The following ARID3A variants were observed in gnomAD, a reference collection of about 807,000 sequenced individuals.
ARID3A encodes AT-rich interaction domain 3A, also known as AT-rich interactive domain-containing protein 3A.
In ARID3A, 11 loss-of-function variants were observed where a neutral mutation model predicts 52.7. That is an observed-to-expected ratio of 0.21 (90% confidence interval 0.13 to 0.35). ARID3A has a LOEUF of 0.35. ARID3A is among the 10% of genes least tolerant of loss of function. The probability of loss-of-function intolerance (pLI) is 1.00; values close to 1 mark genes in which losing one functional copy is unlikely to be tolerated. For synonymous variants in ARID3A, 404 were observed against 359.4 expected (o/e 1.12, Z -1.40); for missense variants, 721 against 838.5 (o/e 0.86, Z 1.73).
At chr19:949,010 C>A (rs964854158) in intron 3 of ARID3A, among the ~76,000 whole-genome samples, 1 of 152,124 alleles carries the variant, frequency 6.6e-6, no homozygotes, top group East Asian at 1.9e-4. Context: ...AGCCACCGCG[C>A]GTGGCCATCC....
At chr19:939,725 TC>T (rs973688859) in intron 3 of ARID3A, among the ~76,000 whole-genome samples, 31 of 152,046 alleles carry the variant, frequency 2.0e-4, no homozygotes, top group Non-Finnish European at 4.4e-4. Context: ...GTATGGACGT[TC>T]CCCTCGTGGC....
intron 3 of ARID3A, among the ~76,000 whole-genome samples, chr19:946,796 T>TTGTGTG (rs544067938): frequency 2.0e-5 from 3 of 150,028 alleles, no homozygotes; most frequent in Non-Finnish European, 4.4e-5. Context: ...GTTTGTTTGT[T>TTGTGTG]TGTGTGTGTG....
Position 964,051 on chromosome 19 carries a change from T to A in ARID3A, c.767-197T>A, listed in dbSNP as rs1029689. 6.6e-6 allele frequency among the ~76,000 whole-genome samples: 1 copy of A among 152,098 alleles called. No individual in the cohort carries two copies. The highest frequency in any genetic ancestry group is 2.4e-5 in the African/African-American group (1 of 41,408). On this transcript the variant is annotated intron_variant, in intron 4 of 8. Transcript: ENST00000263620. The surrounding 1 kb of genome is among the most constrained non-coding windows in gnomAD (Gnocchi z 5.7). Reference sequence around the variant, plus strand: ...TAAACCGAGGCAGAGCTGCCCCCTCTGCACCCTCTCGAGCAGAGGTTCCCA... The same window carrying A: ...TAAACCGAGGCAGAGCTGCCCCCTCAGCACCCTCTCGAGCAGAGGTTCCCA...
rs56674637 is a variant in ARID3A at position 938,056 on chromosome 19, G to T, written c.693+5314G>T. On this transcript the variant is annotated intron_variant, in intron 3 of 8. Transcript: ENST00000263620. This position sits in a 1 kb window ranked among gnomAD's most constrained non-coding sequence, Gnocchi z 4.0. ...ACGGGGTTTCACCGTGTTGGGCAGG[G>T]TGGTCTTGAACTCCCAACCTCAGGT... Among the ~76,000 whole-genome samples, 4,369 of 151,850 alleles carry T rather than the reference G, an allele frequency of 0.029. 108 individuals are homozygous for T. Among genetic ancestry groups the T allele is most frequent in the African/African-American group, 0.069 (2,869 of 41,356 alleles).
chr19:926,637 G>C (rs2037205883), intron 1 of ARID3A, among the ~76,000 whole-genome samples: 1 of 151,762 alleles, frequency 6.6e-6, no homozygotes, highest in African/African-American at 2.4e-5. Context: ...GTCCGCCCCA[G>C]CGCAGAGAGG....
intron 3 of ARID3A, among the ~76,000 whole-genome samples, chr19:948,915 G>T (rs1000260480): frequency 2.0e-5 from 3 of 151,938 alleles, no homozygotes; most frequent in African/African-American, 7.3e-5. Flanking sequence ...TGCCATGTTG[G>T]CCGGGCTGGT....
chr19:934,732 G>A (rs1426527788), intron 3 of ARID3A, among the ~76,000 whole-genome samples: 3 of 152,132 alleles, frequency 2.0e-5, no homozygotes, highest in African/African-American at 7.2e-5. Context: ...AGGGATGGTC[G>A]TGGGCAGCGG....
At position 930,039 on chromosome 19, in the gene ARID3A, G is replaced by A. The variant is rs570530289; in HGVS notation, c.368+143G>A. On this transcript the variant is annotated intron_variant, in intron 2 of 8. Coordinates refer to ENST00000263620, the MANE Select transcript of ARID3A (RefSeq NM_005224.3). Reference sequence around the variant, plus strand: ...AGCAGTTTGAGAGGCCGACGTGGGAGGATCACGTGGGCCCAGGGGTTGGAG... The same window carrying A: ...AGCAGTTTGAGAGGCCGACGTGGGAAGATCACGTGGGCCCAGGGGTTGGAG... 7.6e-5 allele frequency: 92 copies of A among 1,217,800 alleles called. No homozygotes were observed. The African/African-American group carries it at 1.2e-3, about 16-fold the overall frequency. 75.4% of individuals were successfully genotyped at this position (1,217,800 alleles called of 1,614,324 possible).
rs71335278 is a variant in ARID3A, at chr19:932,491, G to A, written c.442G>A (p.Glu148Lys). 25 of 1,565,286 alleles carry A rather than the reference G, an allele frequency of 1.6e-5. No homozygotes were observed. The highest frequency in any genetic ancestry group is 2.1e-5 in the Admixed American group (1 of 47,168). The part of the protein sequence containing the change: ...EDEEEEEEDY[E>K]DEEEEEDEEG... ...TGAGGAGGAGGAGGAGGAGGATTAC[G>A]AGGATGAGGAGGAGGAGGAGGACGA... is the stretch of plus-strand genomic sequence containing the variant. Residue 148 changes from glutamate to lysine, a missense_variant, in exon 3 of 9, where the codon GAG becomes AAG. Physicochemically the swap from Glu to Lys is moderately conservative, Grantham distance 56. Around this residue, in one of 5 missense-constraint regions of ARID3A, gnomAD observed 349 missense variants for 297.3 expected, o/e 1.17. Transcript: ENST00000263620.
In ARID3A at chr19:959,615, G is replaced by T. The variant is rs914196465; in HGVS notation, c.694-477G>T. ...TGGGCTCCGGGACCGCGGGAGAATA[G>T]ATTTCTGTTGCTTTAAGCTGCAACG... is the stretch of plus-strand genomic sequence containing the variant. On this transcript the variant is annotated intron_variant, in intron 3 of 8. Coordinates refer to ENST00000263620, the MANE Select transcript of ARID3A (RefSeq NM_005224.3). This position sits in a 1 kb window ranked among gnomAD's most constrained non-coding sequence, Gnocchi z 5.0. 6.6e-6 allele frequency among the ~76,000 whole-genome samples: 1 copy of T among 152,160 alleles called. No individual in the cohort carries two copies. The highest frequency in any genetic ancestry group is 2.4e-5 in the African/African-American group (1 of 41,446).
chr19:933,010 T>TG (rs2037365931), intron 3 of ARID3A, among the ~76,000 whole-genome samples: 2 of 151,672 alleles, frequency 1.3e-5, no homozygotes, highest in Non-Finnish European at 2.9e-5. Context: ...TCGGAGGTGA[T>TG]GGGGCAGAGA....
At chr19:966,458 CAAAAAAA>C in intron 6 of ARID3A, 107 bp from the exon 7 acceptor site, 2 of 685,854 alleles carry the variant, frequency 2.9e-6, no homozygotes, top group Non-Finnish European at 2.1e-6. Flanking sequence ...AACTCCGTCT[CAAAAAAA>C]AAAAAAAAAA....
intron 3 of ARID3A, among the ~76,000 whole-genome samples, chr19:952,161 C>G (rs2037814323): frequency 6.6e-6 from 1 of 151,706 alleles, no homozygotes; most frequent in South Asian, 2.1e-4. Context: ...CAAAGTGTCT[C>G]AGGCTGGGCG....
intron 3 of ARID3A, among the ~76,000 whole-genome samples, chr19:949,007 G>T (rs34006548): frequency 0.057 from 8,636 of 152,104 alleles, 869 homozygotes; most frequent in African/African-American, 0.2. Flanking sequence ...ATGAGCCACC[G>T]CGCGTGGCCA....
chr19:944,853 C>T lies in ARID3A; in HGVS notation c.693+12111C>T, dbSNP rs1309115338. On this transcript the variant is annotated intron_variant, in intron 3 of 8. Transcript: ENST00000263620. This position sits in a 1 kb window ranked among gnomAD's most constrained non-coding sequence, Gnocchi z 5.9. ...GTTGCCCAGGCTGAACTCCTGAGCT[C>T]TTAGGGGAGCCGGGATGTCCCTGGG... 6.6e-6 allele frequency among the ~76,000 whole-genome samples: 1 copy of T among 152,208 alleles called. No homozygotes were observed. Among genetic ancestry groups the T allele is most frequent in the Non-Finnish European group, 1.5e-5 (1 of 68,028 alleles).
At chr19:951,566 A>G (rs564253066) in intron 3 of ARID3A, among the ~76,000 whole-genome samples, 1 of 152,026 alleles carries the variant, frequency 6.6e-6, no homozygotes, top group South Asian at 2.1e-4. Flanking sequence ...AAGGAAAAAA[A>G]ACAACGTAGA....
Position 960,200 on chromosome 19 carries a change from C to T in ARID3A, c.766+36C>T, listed in dbSNP as rs1291638314. ...TGCCCCCACCCCGCTGGAGGGAGGT[C>T]ACAGAAACAGGGCTGTAGGAGGGGC... On this transcript the variant is annotated intron_variant, in intron 4 of 8. Transcript: ENST00000263620. This position sits in a 1 kb window ranked among gnomAD's most constrained non-coding sequence, Gnocchi z 4.3. 4 of 1,575,848 alleles carry T rather than the reference C, an allele frequency of 2.5e-6. No individual in the cohort carries two copies. The Admixed American group carries it at 6.9e-5, about 27-fold the overall frequency.
intron 3 of ARID3A, among the ~76,000 whole-genome samples, chr19:948,297 C>G (rs1358034272): frequency 6.6e-6 from 1 of 151,900 alleles, no homozygotes; most frequent in Non-Finnish European, 1.5e-5. Flanking sequence ...CCTGTCCTGG[C>G]AGAAACGCTG....
chr19:953,681 C>T (rs971543494), intron 3 of ARID3A, among the ~76,000 whole-genome samples: 11 of 152,178 alleles, frequency 7.2e-5, no homozygotes, highest in Admixed American at 5.9e-4. Context: ...GACGTTTGGG[C>T]GGGAAGGCAG....
Sources: gnomAD v4.1 joint callset for allele counts (sites outside exome capture counted in the v4.1 genomes callset) on GRCh38, gnomAD v4.1.1 for gene constraint, gnomAD v4.1.1 regional missense constraint, Gnocchi (gnomAD v3.1) non-coding constraint, MANE v1.5 for transcripts, NCBI Gene and HGNC (gene_info 2026-07-23, HGNC 2026-07-21) for gene names.